LPIN2: variants seen among roughly 807,000 people sequenced by gnomAD.
The protein encoded by LPIN2 is phosphatidate phosphatase LPIN2.
LPIN2 carries 55 observed loss-of-function variants against 111.4 expected under a neutral mutation model. The observed-to-expected ratio is 0.49, with a 90% CI of 0.40 to 0.62. The LOEUF is 0.62. Ranked by LOEUF, LPIN2 falls within the 20% of genes least tolerant of loss-of-function variation. The pLI is 0.00. For missense variants in LPIN2, 992 were observed against 1,112.1 expected (o/e 0.89, Z 1.54); for synonymous variants, 425 against 414.0 (o/e 1.03, Z -0.32).
At chr18:2,958,158 C>CAAAAAAAAAAAAAAAAAAAAAAA (rs1555678271) in intron 2 of LPIN2, among the ~76,000 whole-genome samples, 1 of 35,350 alleles carries the variant, frequency 2.8e-5, no homozygotes, top group African/African-American at 1.1e-4. Context: ...AAAAAAAAAA[C>CAAAAAAAAAAAAAAAAAAAAAAA]AACAAAAAAA....
chr18:3,006,588 A>G (rs1210421222), intron 1 of LPIN2, among the ~76,000 whole-genome samples: 2 of 152,178 alleles, frequency 1.3e-5, no homozygotes, highest in Non-Finnish European at 2.9e-5. Flanking sequence ...CTGTAATCCC[A>G]ACACTTTGGG....
chr18:2,991,070 G>A (rs1377555551), intron 1 of LPIN2: 11 of 556,452 alleles, frequency 2.0e-5, no homozygotes, highest in Non-Finnish European at 2.5e-5. Context: ...AGAATGACTC[G>A]AGCAGACAGA....
At chr18:2,983,836 T>A (rs548425428) in intron 1 of LPIN2, among the ~76,000 whole-genome samples, 6 of 152,196 alleles carry the variant, frequency 3.9e-5, no homozygotes, top group Non-Finnish European at 8.8e-5. Flanking sequence ...ACTAGAAAAT[T>A]TGAAATTACA....
At chr18:2,992,029 A>G (rs3016720) in intron 1 of LPIN2, among the ~76,000 whole-genome samples, 138,242 of 151,304 alleles carry the variant, frequency 0.91, 63,992 homozygotes, top group East Asian at 1. Context: ...AAAGTATAAT[A>G]CAATAAAAAA....
intron 18 of LPIN2, 130 bp from the exon 19 acceptor site, chr18:2,921,011 G>A: frequency 1.4e-6 from 1 of 725,044 alleles, no homozygotes; most frequent in Non-Finnish European, 2.5e-6. Flanking sequence ...GCACAGTGCA[G>A]TTGCCACCAA....
chr18:2,977,577 G>C (rs937445010), intron 1 of LPIN2, among the ~76,000 whole-genome samples: 1 of 152,276 alleles, frequency 6.6e-6, no homozygotes, highest in African/African-American at 2.4e-5. Context: ...GGAGCATCTC[G>C]TGGAGTCAGA....
chr18:2,930,275 C>T (rs1370381617), intron 9 of LPIN2, among the ~76,000 whole-genome samples: 1 of 152,194 alleles, frequency 6.6e-6, no homozygotes, highest in African/African-American at 2.4e-5. Context: ...CGCATTCCCT[C>T]GCATATAATT....
Position 2,989,492 on chromosome 18 carries a change from T to A in LPIN2, c.-10+23595A>T, listed in dbSNP as rs566567238. 3.3e-5 allele frequency among the ~76,000 whole-genome samples: 5 copies of A among 152,312 alleles called. No homozygotes were observed. The South Asian group carries it at 8.3e-4, about 25-fold the overall frequency. ...AATATTACCTAAAGCGATCTTCAAA[T>A]TCAAGGCAATCCCTATCAAAATTCC... On this transcript the variant is annotated intron_variant, in intron 1 of 19. Coordinates refer to ENST00000677752, the MANE Select transcript of LPIN2 (RefSeq NM_001375808.2).
chr18:2,980,579 T>C (rs773014195), intron 1 of LPIN2, among the ~76,000 whole-genome samples: 3 of 152,206 alleles, frequency 2.0e-5, no homozygotes, highest in African/African-American at 4.8e-5. Context: ...TGTTATTAAA[T>C]CTGGTTGAGC....
At chr18:2,923,933 T>A in intron 15 of LPIN2, 72 bp from the exon 16 acceptor site, 2 of 1,220,986 alleles carry the variant, frequency 1.6e-6, no homozygotes, top group Non-Finnish European at 2.4e-6. Context: ...TTTGGTTGAC[T>A]ATCAGCTGCC....
At chr18:2,968,852 G>A (rs888506243) in intron 1 of LPIN2, among the ~76,000 whole-genome samples, 1 of 152,190 alleles carries the variant, frequency 6.6e-6, no homozygotes, top group Admixed American at 6.5e-5. Flanking sequence ...GTCACAGGGG[G>A]AGGATGAACT....
At chr18:3,000,709 C>G (rs1376821371) in intron 1 of LPIN2, among the ~76,000 whole-genome samples, 1 of 152,076 alleles carries the variant, frequency 6.6e-6, no homozygotes, top group Non-Finnish European at 1.5e-5. Flanking sequence ...CTCTGGCCTG[C>G]GGAGACTCTG....
chr18:2,954,682 T>G (rs2077583439), intron 2 of LPIN2, 83 bp from the exon 3 acceptor site: 1 of 972,560 alleles, frequency 1.0e-6, no homozygotes, highest in Non-Finnish European at 1.7e-6. Context: ...AGTTCTCAAG[T>G]CAAACTTAGC....
At chr18:2,955,994 G>A (rs1166338181) in intron 2 of LPIN2, among the ~76,000 whole-genome samples, 1 of 152,136 alleles carries the variant, frequency 6.6e-6, no homozygotes, top group African/African-American at 2.4e-5. Flanking sequence ...ACTGAAGTGA[G>A]GAAGAATGGA....
At chr18:2,956,043 A>G (rs536732107) in intron 2 of LPIN2, among the ~76,000 whole-genome samples, 42 of 152,262 alleles carry the variant, frequency 2.8e-4, no homozygotes, top group Admixed American at 9.8e-4. Flanking sequence ...GACTTGTATT[A>G]TAAGTCTAAA....
chr18:2,936,646 T>A (rs1462234196), intron 7 of LPIN2, among the ~76,000 whole-genome samples: 1 of 152,224 alleles, frequency 6.6e-6, no homozygotes, highest in Non-Finnish European at 1.5e-5. Flanking sequence ...AGTGGCTTCA[T>A]CTTGGCTCAT....
At chr18:2,995,957 T>G (rs111584625) in intron 1 of LPIN2, among the ~76,000 whole-genome samples, 1 of 152,186 alleles carries the variant, frequency 6.6e-6, no homozygotes, top group Non-Finnish European at 1.5e-5. Flanking sequence ...TTAAGCAGGG[T>G]ACCAAGCTTC....
At chr18:2,970,907 G>C (rs2077896586) in intron 1 of LPIN2, among the ~76,000 whole-genome samples, 1 of 152,126 alleles carries the variant, frequency 6.6e-6, no homozygotes, top group Non-Finnish European at 1.5e-5. Flanking sequence ...ACTTCACTAT[G>C]ATGATTTCAA....
chr18:2,925,404 AG>A lies in LPIN2; in HGVS notation c.1794-37del. On this transcript the variant is annotated intron_variant, in intron 13 of 19. Coordinates refer to ENST00000677752, the MANE Select transcript of LPIN2 (RefSeq NM_001375808.2). The surrounding 1 kb of genome is among the most constrained non-coding windows in gnomAD (Gnocchi z 4.1). ...TTAGCCCAGTTACGGAAGAGGCAGC[AG>A]GGCATTTTATTGATGAGAGCTTTTC... is the stretch of plus-strand genomic sequence containing the variant. The A allele has an allele frequency of 1.2e-6, 2 of 1,613,764 alleles. No homozygotes were observed. The highest frequency in any genetic ancestry group is 1.3e-5 in the African/African-American group (1 of 75,026).
Sources: allele counts gnomAD v4.1 joint callset (sites outside exome capture counted in the v4.1 genomes callset), GRCh38; gene constraint gnomAD v4.1.1; non-coding constraint Gnocchi (gnomAD v3.1); transcripts MANE v1.5; gene names NCBI Gene and HGNC (gene_info 2026-07-23, HGNC 2026-07-21).